Variants in SGMS1 observed in about 807,000 individuals in gnomAD.
SGMS1 encodes sphingomyelin synthase 1, also known as phosphatidylcholine:ceramide cholinephosphotransferase 1.
SGMS1 carries 13 observed loss-of-function variants against 46.2 expected under a neutral mutation model. That is an observed-to-expected ratio of 0.28 (90% CI 0.18 to 0.45). The LOEUF (loss-of-function observed/expected upper bound fraction) is 0.45. Ranked by LOEUF, SGMS1 falls within the 20% of genes least tolerant of loss-of-function variation. The pLI is 1.00. For synonymous variants in SGMS1, 203 were observed against 187.8 expected, an observed-to-expected ratio of 1.08 and a Z score of -0.66; for missense variants, 324 against 519.9, an observed-to-expected ratio of 0.62 and a Z score of 3.66.
chr10:50,331,324 C>A (rs911243238), intron 7 of SGMS1, among the ~76,000 whole-genome samples: 1 of 152,060 alleles, frequency 6.6e-6, no homozygotes, highest in African/African-American at 2.4e-5. Context: ...AGAGTTTAAG[C>A]TGAAATATAA....
At chr10:50,317,140 A>G (rs1230270115) in intron 8 of SGMS1, among the ~76,000 whole-genome samples, 1 of 152,164 alleles carries the variant, frequency 6.6e-6, no homozygotes, top group Non-Finnish European at 1.5e-5. Flanking sequence ...AAGTTATGAA[A>G]TGTCCTTTAG....
chr10:50,615,324 G>A (rs941006475), intron 1 of SGMS1, among the ~76,000 whole-genome samples: 1 of 152,214 alleles, frequency 6.6e-6, no homozygotes, highest in Non-Finnish European at 1.5e-5. Context: ...GGAAGGTGAT[G>A]AATATTAACA....
intron 6 of SGMS1, among the ~76,000 whole-genome samples, chr10:50,408,447 A>AT (rs1426070721): frequency 5.9e-4 from 88 of 148,738 alleles, no homozygotes; most frequent in African/African-American, 2.2e-3. Flanking sequence ...AAAAAAAAAA[A>AT]AAAAAAAACA....
chr10:50,523,840 A>G (rs7897653), intron 2 of SGMS1, among the ~76,000 whole-genome samples: 9,084 of 152,338 alleles, frequency 0.06, 386 homozygotes, highest in Middle Eastern at 0.13. Flanking sequence ...TAATCACAGG[A>G]AAATGGAGAA....
chr10:50,515,790 A>G (rs2133780451), intron 3 of SGMS1, among the ~76,000 whole-genome samples: 1 of 152,328 alleles, frequency 6.6e-6, no homozygotes, highest in South Asian at 2.1e-4. Context: ...ACCCAAGAAT[A>G]CAAGGACACA....
intron 5 of SGMS1, among the ~76,000 whole-genome samples, chr10:50,453,802 A>AAGGAAGGAGGGAGGGGAG: frequency 3.6e-5 from 1 of 27,952 alleles, no homozygotes; most frequent in East Asian, 1.2e-3. Context: ...AGGGGAGAGG[A>AAGGAAGGAGGGAGGGGAG]AGGAGGGAGG....
intron 6 of SGMS1, among the ~76,000 whole-genome samples, chr10:50,375,498 T>C (rs1848510621): frequency 6.6e-6 from 1 of 152,206 alleles, no homozygotes; most frequent in East Asian, 1.9e-4. Context: ...TGTAATTTAT[T>C]AGTTGGCCAA....
intron 6 of SGMS1, among the ~76,000 whole-genome samples, chr10:50,410,253 C>T (rs1849077745): frequency 6.6e-6 from 1 of 152,116 alleles, no homozygotes; most frequent in Non-Finnish European, 1.5e-5. Flanking sequence ...TCATGACACT[C>T]TTGTGTTGCA....
chr10:50,623,509 T>C (rs1838877392), intron 1 of SGMS1, 198 bp downstream of exon 1: 3 of 917,814 alleles, frequency 3.3e-6, no homozygotes, highest in Non-Finnish European at 3.9e-6. Context: ...CTCCCCGCTG[T>C]GACCACCCAC....
intron 2 of SGMS1, among the ~76,000 whole-genome samples, chr10:50,524,460 T>G (rs563419809): frequency 2.0e-3 from 309 of 152,320 alleles, no homozygotes; most frequent in Non-Finnish European, 3.4e-3. Context: ...TTTTCCTCCT[T>G]TCTTCTCTTG....
At chr10:50,329,552 G>A (rs1022980060) in intron 7 of SGMS1, among the ~76,000 whole-genome samples, 6 of 152,130 alleles carry the variant, frequency 3.9e-5, no homozygotes, top group African/African-American at 1.4e-4. Context: ...CTTTAACAGA[G>A]GATAAAAGTG....
intron 6 of SGMS1, among the ~76,000 whole-genome samples, chr10:50,349,230 C>T (rs574413721): frequency 7.2e-5 from 11 of 152,336 alleles, no homozygotes; most frequent in South Asian, 2.1e-4. Flanking sequence ...GAATTCTCTA[C>T]GTATTCATCA....
intron 2 of SGMS1, among the ~76,000 whole-genome samples, chr10:50,527,403 C>G (rs964040270): frequency 6.6e-6 from 1 of 152,122 alleles, no homozygotes; most frequent in African/African-American, 2.4e-5. Context: ...TCAAGACAAC[C>G]CTTTAAAGTA....
intron 3 of SGMS1, among the ~76,000 whole-genome samples, chr10:50,492,424 A>G (rs990840895): frequency 5.3e-5 from 8 of 152,338 alleles, no homozygotes; most frequent in Non-Finnish European, 8.8e-5. Context: ...CTCAGCCCAA[A>G]AGCTTAAGCT....
intron 2 of SGMS1, among the ~76,000 whole-genome samples, chr10:50,528,786 G>A (rs566680949): frequency 6.6e-6 from 1 of 152,288 alleles, no homozygotes; most frequent in African/African-American, 2.4e-5. Context: ...CTTGAGCCCA[G>A]GAGGCTGAGG....
chr10:50,357,253 T>C (rs374300778), intron 6 of SGMS1, among the ~76,000 whole-genome samples: 4 of 151,982 alleles, frequency 2.6e-5, no homozygotes, highest in East Asian at 3.9e-4. Flanking sequence ...GTAAAAACGA[T>C]GTACAGTTAA....
chr10:50,543,094 C>G (rs1838070360), intron 2 of SGMS1, among the ~76,000 whole-genome samples: 2 of 152,056 alleles, frequency 1.3e-5, no homozygotes, highest in Admixed American at 1.3e-4. Flanking sequence ...AAGTTAGCAC[C>G]CAAACTGTCT....
chr10:50,535,762 C>G (rs187931565), intron 2 of SGMS1, among the ~76,000 whole-genome samples: 145 of 152,234 alleles, frequency 9.5e-4, no homozygotes, highest in African/African-American at 3.4e-3. Context: ...TGAACATCAG[C>G]TCTAGAGTCT....
intron 6 of SGMS1, among the ~76,000 whole-genome samples, chr10:50,354,769 A>C (rs1310532553): frequency 3.3e-5 from 5 of 152,356 alleles, no homozygotes; most frequent in East Asian, 1.9e-4. Flanking sequence ...ACCCCATCAA[A>C]AAGTGAGCGA....
Sources: allele counts gnomAD v4.1 joint callset (sites outside exome capture counted in the v4.1 genomes callset), GRCh38; gene constraint gnomAD v4.1.1; transcripts MANE v1.5; gene names NCBI Gene and HGNC (gene_info 2026-07-23, HGNC 2026-07-21).